CAND2: variants seen among roughly 807,000 people sequenced by gnomAD.
CAND2 encodes cullin-associated NEDD8-dissociated protein 2.
CAND2 carries 62 observed loss-of-function variants against 98.9 expected under a neutral mutation model. The observed-to-expected ratio is 0.63, with a 90% CI of 0.51 to 0.77. The LOEUF is 0.77. CAND2 is among the 30% of genes least tolerant of loss of function. CAND2 has a pLI of 0.00. For missense variants in CAND2, 1,501 were observed against 1,655.2 expected, an observed-to-expected ratio of 0.91 and a Z score of 1.62; for synonymous variants, 770 against 731.9, an observed-to-expected ratio of 1.05 and a Z score of -0.84.
At chr3:12,819,025 A>G (rs1180901012) in intron 10 of CAND2, among the ~76,000 whole-genome samples, 1 of 152,148 alleles carries the variant, frequency 6.6e-6, no homozygotes, top group African/African-American at 2.4e-5. Context: ...GAGCCAGATG[A>G]GTGGTCTGCT....
chr3:12,810,911 T>C (rs895306028), intron 5 of CAND2, among the ~76,000 whole-genome samples: 6 of 152,252 alleles, frequency 3.9e-5, no homozygotes, highest in African/African-American at 1.2e-4. Context: ...GCAGTCCAGC[T>C]CTCTGCCTTG....
intron 2 of CAND2, among the ~76,000 whole-genome samples, chr3:12,803,898 G>A (rs184402588): frequency 2.3e-3 from 352 of 152,272 alleles, no homozygotes; most frequent in Non-Finnish European, 3.8e-3. Context: ...GGTATGGTAC[G>A]AAGCAAGTGA....
intron 7 of CAND2, among the ~76,000 whole-genome samples, chr3:12,813,777 T>C (rs1391612862): frequency 6.6e-6 from 1 of 152,212 alleles, no homozygotes; most frequent in Non-Finnish European, 1.5e-5. Context: ...ATGAATGGCT[T>C]TCAGGAGATA....
intron 11 of CAND2, among the ~76,000 whole-genome samples, chr3:12,824,735 C>T (rs964355503): frequency 3.3e-5 from 5 of 152,046 alleles, no homozygotes; most frequent in African/African-American, 9.7e-5. Context: ...TGGTGAAACC[C>T]CGTCTCTACT....
At chr3:12,831,147 C>T (rs2062050588) in intron 13 of CAND2, among the ~76,000 whole-genome samples, 1 of 152,158 alleles carries the variant, frequency 6.6e-6, no homozygotes, top group Admixed American at 6.5e-5. Context: ...CCCACCTGGC[C>T]ACACTCAGCC....
chr3:12,821,637 C>T (rs1396890939), intron 11 of CAND2, among the ~76,000 whole-genome samples: 1 of 152,226 alleles, frequency 6.6e-6, no homozygotes, highest in Non-Finnish European at 1.5e-5. Flanking sequence ...CACCAGCGAC[C>T]TTCACATGGG....
chr3:12,813,345 TGAG>T lies in CAND2; in HGVS notation c.967_969del (p.Glu323del). 1 of 1,614,026 alleles carries T rather than the reference TGAG, an allele frequency of 6.2e-7. No homozygotes were observed. ...ACTACAACTACGACAGTGATGAGGATGAGGAGCAGATGGAGACAGAGGATAGTG... is the reference window on the plus strand; with the variant it reads ...ACTACAACTACGACAGTGATGAGGATGAGCAGATGGAGACAGAGGATAGTG... On this transcript the variant is annotated inframe_deletion, in exon 7 of 15. Coordinates refer to ENST00000456430, the MANE Select transcript of CAND2 (RefSeq NM_001162499.2).
chr3:12,822,214 G>A (rs541609965), intron 11 of CAND2, among the ~76,000 whole-genome samples: 13 of 151,622 alleles, frequency 8.6e-5, no homozygotes, highest in East Asian at 3.9e-4. Context: ...ACTTCATTCC[G>A]TGGGCTATAC....
intron 11 of CAND2, among the ~76,000 whole-genome samples, chr3:12,821,081 A>C (rs2061953676): frequency 6.6e-6 from 1 of 152,152 alleles, no homozygotes. Context: ...TAAAAATACA[A>C]AAATGAGCCG....
At chr3:12,804,127 C>G (rs1393749272) in intron 2 of CAND2, among the ~76,000 whole-genome samples, 1 of 152,022 alleles carries the variant, frequency 6.6e-6, no homozygotes, top group African/African-American at 2.4e-5. Context: ...GATGTAAATG[C>G]TGGGAAGGTC....
In CAND2 at chr3:12,817,464, C is replaced by G; in HGVS notation, c.2532C>G (p.Phe844Leu). Residue 844 changes from phenylalanine to leucine, a missense_variant, in exon 10 of 15, where the codon TTC becomes TTG. Coordinates refer to ENST00000456430, the MANE Select transcript of CAND2 (RefSeq NM_001162499.2). ...HSSTGVKVLA[F>L]LSLAEVGQVA... Reference sequence around the variant, plus strand: ...GCACGGGGGTCAAGGTCCTGGCATTCTTGTCGCTGGCTGAGGTGGGTCAGG... The same window carrying G: ...GCACGGGGGTCAAGGTCCTGGCATTGTTGTCGCTGGCTGAGGTGGGTCAGG... 2 of 1,613,698 alleles carry G rather than the reference C, an allele frequency of 1.2e-6. No individual in the cohort carries two copies. Among genetic ancestry groups the G allele is most frequent in the Middle Eastern group, 1.7e-4 (1 of 6,058 alleles).
chr3:12,809,794 A>G (rs954762123), intron 4 of CAND2: 4 of 415,206 alleles, frequency 9.6e-6, no homozygotes, highest in South Asian at 5.3e-5. Context: ...TAGATCCTCT[A>G]TGCTTTCCCC....
At chr3:12,798,351 T>C (rs1477097793) in intron 1 of CAND2, among the ~76,000 whole-genome samples, 1 of 152,098 alleles carries the variant, frequency 6.6e-6, no homozygotes, top group Non-Finnish European at 1.5e-5. Flanking sequence ...GCTCCCATCA[T>C]GCCTCCCCTC....
At chr3:12,808,546 T>G (rs1480114174) in intron 4 of CAND2, among the ~76,000 whole-genome samples, 3 of 152,206 alleles carry the variant, frequency 2.0e-5, no homozygotes, top group Non-Finnish European at 1.5e-5. Context: ...CTTGAACACC[T>G]GCTCTGGCCA....
At chr3:12,825,843 G>A (rs1292293555) in intron 12 of CAND2, among the ~76,000 whole-genome samples, 1 of 152,238 alleles carries the variant, frequency 6.6e-6, no homozygotes, top group Non-Finnish European at 1.5e-5. Flanking sequence ...GAGCACATGA[G>A]GGTGCTAATT....
At chr3:12,808,921 G>A (rs550524440) in intron 4 of CAND2, among the ~76,000 whole-genome samples, 1 of 152,148 alleles carries the variant, frequency 6.6e-6, no homozygotes, top group Non-Finnish European at 1.5e-5. Flanking sequence ...GGAGAGGTGG[G>A]TATGCAGAGC....
At chr3:12,807,518 A>AC in intron 3 of CAND2, 58 bp downstream of exon 3, 1 of 1,449,722 alleles carries the variant, frequency 6.9e-7, no homozygotes. Flanking sequence ...ATGGTAAAAA[A>AC]ACAAACGAAA....
At chr3:12,822,519 G>A (rs546555774) in intron 11 of CAND2, among the ~76,000 whole-genome samples, 3 of 151,916 alleles carry the variant, frequency 2.0e-5, no homozygotes, top group African/African-American at 2.4e-5. Flanking sequence ...GGCTGGTCTC[G>A]AACTCCTAGG....
At position 12,810,142 on chromosome 3, in the gene CAND2, G is replaced by T; in HGVS notation, c.575G>T (p.Arg192Leu). The T allele has an allele frequency of 6.6e-7, 1 of 1,522,798 alleles. No individual in the cohort carries two copies. The allele number at this position is 1,522,798 out of a possible 1,614,324, so 94.3% of individuals were successfully genotyped here. A position where few individuals can be genotyped will look rare whatever the true frequency, so the allele number is the denominator to read the frequency against. The stretch of plus-strand genomic sequence containing the variant: ...CTGAGCAGCCCGCGCCTGGCGGTGC[G>T]CAAGCGGGCGGTCGGAGCGCTTGGC... ...PQLSSPRLAV[R>L]KRAVGALGHL... The change falls in exon 5 of 15, where the codon CGC (arginine) becomes CTC (leucine). Residue 192 changes from arginine to leucine, a missense_variant. Arg to Leu is a moderately radical substitution (Grantham distance 102). Transcript: ENST00000456430.
Sources: allele counts gnomAD v4.1 joint callset (sites outside exome capture counted in the v4.1 genomes callset), GRCh38; gene constraint gnomAD v4.1.1; transcripts MANE v1.5; gene names NCBI Gene and HGNC (gene_info 2026-07-23, HGNC 2026-07-21).